The following SLC4A10 variants were observed in gnomAD, a reference collection of about 807,000 sequenced individuals.
SLC4A10 encodes sodium-driven chloride bicarbonate exchanger.
In SLC4A10, 42 loss-of-function variants were observed where a neutral mutation model predicts 137.7. The observed-to-expected ratio is 0.30, with a 90% CI of 0.24 to 0.39. The LOEUF (loss-of-function observed/expected upper bound fraction) is 0.39, where lower values mean the gene tolerates loss of function less well. Ranked by LOEUF, SLC4A10 falls within the 10% of genes least tolerant of loss-of-function variation. The pLI, the probability that SLC4A10 is intolerant of heterozygous loss-of-function variation, is 1.00. For missense variants in SLC4A10, 925 were observed against 1,355.0 expected (o/e 0.68, Z 4.98); for synonymous variants, 474 against 464.1 (o/e 1.02, Z -0.27).
intron 15 of SLC4A10, among the ~76,000 whole-genome samples, chr2:161,911,800 C>T (rs573732895): frequency 2.6e-5 from 4 of 152,122 alleles, no homozygotes; most frequent in Admixed American, 1.3e-4. Context: ...AACTGATGGG[C>T]ACATTTCACA....
chr2:161,692,553 G>A (rs1282124225), intron 1 of SLC4A10, among the ~76,000 whole-genome samples: 1 of 152,028 alleles, frequency 6.6e-6, no homozygotes, highest in African/African-American at 2.4e-5. Context: ...ATGACTCCAA[G>A]CCTAAAATAG....
At chr2:161,668,289 C>T (rs563494265) in intron 1 of SLC4A10, among the ~76,000 whole-genome samples, 2 of 151,806 alleles carry the variant, frequency 1.3e-5, no homozygotes, top group African/African-American at 4.8e-5. Context: ...TGGGTGAAGG[C>T]ATCAAGAAAA....
chr2:161,917,950 A>G (rs1687428934), intron 15 of SLC4A10, among the ~76,000 whole-genome samples: 1 of 152,186 alleles, frequency 6.6e-6, no homozygotes, highest in African/African-American at 2.4e-5. Context: ...AGAAAGCTTT[A>G]TTGCTTGCCC....
intron 17 of SLC4A10, among the ~76,000 whole-genome samples, chr2:161,948,260 CA>C (rs199527395): frequency 1.5e-3 from 234 of 151,464 alleles, no homozygotes; most frequent in African/African-American, 5.1e-3. Flanking sequence ...CTGATTCCGC[CA>C]AAAAAAATTT....
At position 161,958,130 on chromosome 2, in the gene SLC4A10, T is replaced by A. The variant is rs376524663; in HGVS notation, c.2794-357T>A. On this transcript the variant is annotated intron_variant, in intron 20 of 26. Transcript: ENST00000446997. ...ATCCACCTTTAATCCAAATATCTTA[T>A]CTTTGTAAAGCAAAATTCAAGTTGT... Among the ~76,000 whole-genome samples the A allele has an allele frequency of 7.2e-5, 11 of 152,304 alleles. No individual in the cohort carries two copies. The South Asian group carries it at 2.3e-3, about 32-fold the overall frequency.
At chr2:161,680,094 G>T (rs994826839) in intron 1 of SLC4A10, among the ~76,000 whole-genome samples, 2 of 152,006 alleles carry the variant, frequency 1.3e-5, no homozygotes, top group African/African-American at 2.4e-5. Context: ...CTGGATGAAG[G>T]TTCGCTTCAT....
chr2:161,750,209 G>C (rs933743039), intron 1 of SLC4A10, among the ~76,000 whole-genome samples: 6 of 151,230 alleles, frequency 4.0e-5, no homozygotes, highest in Admixed American at 2.0e-4. Context: ...CTTTTAGTTC[G>C]ATTATTTTTT....
chr2:161,920,288 A>G (rs1477466355), intron 15 of SLC4A10, among the ~76,000 whole-genome samples: 1 of 152,198 alleles, frequency 6.6e-6, no homozygotes. Context: ...ACCTCATGAC[A>G]GTAATAACTT....
intron 15 of SLC4A10, among the ~76,000 whole-genome samples, chr2:161,918,952 C>G (rs1420483138): frequency 1.3e-5 from 2 of 152,162 alleles, no homozygotes; most frequent in African/African-American, 4.8e-5. Flanking sequence ...TGCTGCAGAC[C>G]CAGGCATCCC....
intron 1 of SLC4A10, among the ~76,000 whole-genome samples, chr2:161,703,103 G>A (rs2043291001): frequency 6.6e-6 from 1 of 151,410 alleles, no homozygotes; most frequent in Admixed American, 6.6e-5. Flanking sequence ...CCTTCTGGAG[G>A]GAAATTCAGC....
chr2:161,933,804 T>G (rs2105673117), intron 15 of SLC4A10, among the ~76,000 whole-genome samples: 1 of 152,300 alleles, frequency 6.6e-6, no homozygotes, highest in South Asian at 2.1e-4. Flanking sequence ...TGCAGATATC[T>G]CTTCCATTTA....
intron 1 of SLC4A10, among the ~76,000 whole-genome samples, chr2:161,678,455 G>A (rs914340437): frequency 1.3e-5 from 2 of 152,058 alleles, no homozygotes; most frequent in African/African-American, 2.4e-5. Flanking sequence ...GAGACGACAC[G>A]GATATTTTAA....
At chr2:161,761,690 C>T (rs2050268505) in intron 1 of SLC4A10, among the ~76,000 whole-genome samples, 1 of 152,044 alleles carries the variant, frequency 6.6e-6, no homozygotes, top group African/African-American at 2.4e-5. Context: ...ATGTTAGGCC[C>T]ACTAGGAGAG....
At chr2:161,977,235 A>G (rs1344828177) in intron 25 of SLC4A10, 4 of 346,174 alleles carry the variant, frequency 1.2e-5, no homozygotes, top group African/African-American at 8.6e-5. Context: ...TTTTAGACTG[A>G]TATGCACTGT....
At chr2:161,713,654 T>C (rs745755870) in intron 1 of SLC4A10, among the ~76,000 whole-genome samples, 27 of 151,926 alleles carry the variant, frequency 1.8e-4, no homozygotes, top group Non-Finnish European at 3.4e-4. Context: ...ATACTCATGT[T>C]ACTATGGTGA....
At chr2:161,815,115 C>A (rs1335682013) in intron 3 of SLC4A10, among the ~76,000 whole-genome samples, 1 of 152,174 alleles carries the variant, frequency 6.6e-6, no homozygotes, top group East Asian at 1.9e-4. Flanking sequence ...TCTCAGGCCC[C>A]ATCCAGACCT....
chr2:161,838,456 A>AAC (rs879817949), intron 3 of SLC4A10, among the ~76,000 whole-genome samples: 10 of 152,068 alleles, frequency 6.6e-5, no homozygotes, highest in Non-Finnish European at 1.0e-4. Context: ...CATAATTTAT[A>AAC]ACACACACAC....
At chr2:161,949,797 A>G (rs1475048216) in intron 18 of SLC4A10, among the ~76,000 whole-genome samples, 2 of 151,868 alleles carry the variant, frequency 1.3e-5, no homozygotes, top group African/African-American at 2.4e-5. Context: ...TACAAAATTT[A>G]TGTTTCATAT....
intron 3 of SLC4A10, among the ~76,000 whole-genome samples, chr2:161,809,038 A>T (rs758590030): frequency 4.6e-5 from 7 of 152,204 alleles, no homozygotes; most frequent in Non-Finnish European, 8.8e-5. Flanking sequence ...CCAACAGTGT[A>T]TAAGCATTCC....
Sources: gnomAD v4.1 joint callset for allele counts (sites outside exome capture counted in the v4.1 genomes callset) on GRCh38, gnomAD v4.1.1 for gene constraint, MANE v1.5 for transcripts, NCBI Gene and HGNC (gene_info 2026-07-23, HGNC 2026-07-21) for gene names.